Variants in CDC27 observed in about 807,000 individuals in gnomAD.
The protein encoded by CDC27 is cell division cycle protein 27 homolog.
CDC27 carries 27 observed loss-of-function variants against 109.7 expected under a neutral mutation model. The ratio of observed to expected loss-of-function variants is 0.25; its 90% CI spans 0.18 to 0.34. CDC27 has a LOEUF of 0.34. Ranked by LOEUF, CDC27 falls within the 10% of genes least tolerant of loss-of-function variation. CDC27 has a pLI of 1.00. For synonymous variants in CDC27, 266 were observed against 333.9 expected (o/e 0.80, Z 2.22); for missense variants, 579 against 960.2 (o/e 0.60, Z 5.25).
chr17:47,127,315 C>T lies in CDC27; in HGVS notation c.2160+2078G>A, dbSNP rs371289217. Among the ~76,000 whole-genome samples, 7 of 152,144 alleles carry T rather than the reference C, an allele frequency of 4.6e-5. No individual in the cohort carries two copies. In the South Asian group the frequency reaches 8.3e-4, roughly 18 times the overall value. ...GACAAAACCAGTAAAAATAGAAACC[C>T]GTGTCTTCATAAAGAAGATAGAATA... On this transcript the variant is annotated intron_variant, in intron 16 of 18. Transcript: ENST00000066544.
At chr17:47,169,674 C>CA (rs1463054086) in intron 4 of CDC27, among the ~76,000 whole-genome samples, 1 of 146,966 alleles carries the variant, frequency 6.8e-6, no homozygotes, top group Non-Finnish European at 1.5e-5. Flanking sequence ...TAGAAACAAA[C>CA]AAAAAAACCT....
At chr17:47,188,596 AT>A in intron 1 of CDC27, 1 of 285,996 alleles carries the variant, frequency 3.5e-6, no homozygotes, top group Non-Finnish European at 5.3e-6. Flanking sequence ...TCAAACCATC[AT>A]TGTCCGGTGG....
At chr17:47,121,132 AG>A in intron 18 of CDC27, 115 bp from the exon 19 acceptor site, 1 of 683,536 alleles carries the variant, frequency 1.5e-6, no homozygotes. Flanking sequence ...CCCTAAATAA[AG>A]GCCCTTAAAA....
chr17:47,135,805 A>C (rs1975480797), intron 14 of CDC27, among the ~76,000 whole-genome samples: 1 of 152,124 alleles, frequency 6.6e-6, no homozygotes, highest in African/African-American at 2.4e-5. Flanking sequence ...ACAAGGATCA[A>C]CCAGACTTGG....
intron 8 of CDC27, among the ~76,000 whole-genome samples, chr17:47,152,187 A>G (rs774344431): frequency 3.4e-4 from 52 of 152,106 alleles, no homozygotes; most frequent in Non-Finnish European, 6.9e-4. Flanking sequence ...AAATCCCCAG[A>G]AGCTATTCTT....
chr17:47,132,553 TACTTA>T (rs2062377234), intron 14 of CDC27, among the ~76,000 whole-genome samples, 179 bp from the exon 15 acceptor site: 2 of 151,724 alleles, frequency 1.3e-5, no homozygotes, highest in African/African-American at 2.4e-5. Flanking sequence ...GCATTTTATT[TACTTA>T]TTTTTAAATA....
In CDC27 at chr17:47,169,978, T is replaced by C; in HGVS notation, c.316A>G (p.Ile106Val). 6.3e-7 allele frequency: 1 copy of C among 1,597,492 alleles called. No homozygotes were observed. The highest frequency in any genetic ancestry group is 8.5e-7 in the Non-Finnish European group (1 of 1,172,080). Reference protein sequence around the residue: ...VFNKQKSHDDIVTEFGDSACF... With the variant: ...VFNKQKSHDDVVTEFGDSACF... ...GCTGAATCACCAAACTCAGTAACAA[T>C]ATCATCATGGCTTTTCTGCTTATTA... The change falls in exon 4 of 19, where the codon ATT becomes GTT. Residue 106 changes from isoleucine (I) to valine (V), a missense_variant. Coordinates refer to ENST00000066544, the MANE Select transcript of CDC27 (RefSeq NM_001256.6).
At chr17:47,150,089 A>G (rs1337148543) in intron 9 of CDC27, among the ~76,000 whole-genome samples, 4 of 152,250 alleles carry the variant, frequency 2.6e-5, no homozygotes, top group African/African-American at 9.6e-5. Flanking sequence ...CATCCCTCCC[A>G]TAAAGACTAA....
At chr17:47,184,076 T>G (rs2064341029) in intron 1 of CDC27, among the ~76,000 whole-genome samples, 1 of 152,156 alleles carries the variant, frequency 6.6e-6, no homozygotes, top group Non-Finnish European at 1.5e-5. Flanking sequence ...AAATGGTGAG[T>G]AGAATGAAGA....
chr17:47,137,429 T>A, intron 13 of CDC27, 69 bp from the exon 14 acceptor site: 2 of 868,402 alleles, frequency 2.3e-6, no homozygotes, highest in Non-Finnish European at 1.6e-6. Context: ...AATCTATGAC[T>A]AAAATCAAGC....
intron 8 of CDC27, among the ~76,000 whole-genome samples, chr17:47,154,129 T>C (rs974117054): frequency 6.6e-6 from 1 of 151,062 alleles, no homozygotes; most frequent in African/African-American, 2.4e-5. Flanking sequence ...TGCCGCAATA[T>C]TTACTATAAG....
chr17:47,163,184 T>C (rs1295111507), intron 4 of CDC27, among the ~76,000 whole-genome samples: 1 of 151,984 alleles, frequency 6.6e-6, no homozygotes, highest in Non-Finnish European at 1.5e-5. Flanking sequence ...ATCAGTTGTG[T>C]CCTAAACATA....
At chr17:47,153,592 G>T (rs755482871) in intron 8 of CDC27, among the ~76,000 whole-genome samples, 40 of 152,184 alleles carry the variant, frequency 2.6e-4, no homozygotes, top group Non-Finnish European at 4.9e-4. Context: ...TTAAGGTAAA[G>T]AGAGTATAAC....
intron 2 of CDC27, among the ~76,000 whole-genome samples, chr17:47,177,020 G>A (rs2064040424): frequency 6.6e-6 from 1 of 152,052 alleles, no homozygotes; most frequent in Non-Finnish European, 1.5e-5. Flanking sequence ...TTTTACTCTG[G>A]TTCAGTTCTC....
intron 2 of CDC27, 33 bp downstream of exon 2, chr17:47,181,529 T>G (rs1349547610): frequency 8.3e-7 from 1 of 1,210,048 alleles, no homozygotes; most frequent in Non-Finnish European, 1.2e-6. Context: ...TGTTATTCAT[T>G]TATCATTCTA....
At chr17:47,123,350 C>G (rs769974922) in intron 17 of CDC27, among the ~76,000 whole-genome samples, 16 of 151,252 alleles carry the variant, frequency 1.1e-4, no homozygotes, top group Non-Finnish European at 1.5e-4. Flanking sequence ...GAAGCCATTT[C>G]TCTTAATCAA....
At position 47,132,984 on chromosome 17, in the gene CDC27, G is replaced by GGC. The variant is rs1414143720; in HGVS notation, c.1914-612_1914-611dup. Among the ~76,000 whole-genome samples the GGC allele has an allele frequency of 8.7e-5, 7 of 80,736 alleles. No homozygotes were observed. The East Asian group carries it at 1.6e-3, about 18-fold the overall frequency. 53.0% of individuals were successfully genotyped at this position (80,736 alleles called of 152,430 possible). A position where few individuals can be genotyped will look rare whatever the true frequency, so the allele number is the denominator to read the frequency against. ...AGATGGGGTTTTGCCATGTTGCCCAGGCGCATATATATATATATATATATA... is the reference window on the plus strand; with the variant it reads ...AGATGGGGTTTTGCCATGTTGCCCAGGCGCGCATATATATATATATATATATA... On this transcript the variant is annotated intron_variant, in intron 14 of 18. Coordinates refer to ENST00000066544, the MANE Select transcript of CDC27 (RefSeq NM_001256.6).
chr17:47,125,555 ATCT>A (rs1193297136), intron 16 of CDC27, among the ~76,000 whole-genome samples: 1 of 149,842 alleles, frequency 6.7e-6, no homozygotes, highest in Non-Finnish European at 1.5e-5. Context: ...CTTTAAAGAA[ATCT>A]TTTTTTTTTT....
Position 47,168,402 on chromosome 17 carries a change from A to T in CDC27, c.377+1515T>A, listed in dbSNP as rs538574836. 3.3e-5 allele frequency among the ~76,000 whole-genome samples: 5 copies of T among 152,302 alleles called. No individual in the cohort carries two copies. In the South Asian group the frequency reaches 1.0e-3, roughly 32 times the overall value. On this transcript the variant is annotated intron_variant, in intron 4 of 18. Coordinates refer to ENST00000066544, the MANE Select transcript of CDC27 (RefSeq NM_001256.6). ...AAGTGTATACGAGGAAATGAGGTCAAAGACCAAATATATATATTTCACTAT... is the reference window on the plus strand; with the variant it reads ...AAGTGTATACGAGGAAATGAGGTCATAGACCAAATATATATATTTCACTAT...
Sources: allele counts gnomAD v4.1 joint callset (sites outside exome capture counted in the v4.1 genomes callset), GRCh38; gene constraint gnomAD v4.1.1; transcripts MANE v1.5; gene names NCBI Gene and HGNC (gene_info 2026-07-23, HGNC 2026-07-21).